MGAT4C: variants seen among roughly 807,000 people sequenced by gnomAD.
The protein encoded by MGAT4C is MGAT4 family member C, also known as alpha-1,3-mannosyl-glycoprotein 4-beta-N-acetylglucosaminyltransferase C.
In MGAT4C, 19 loss-of-function variants were observed where a neutral mutation model predicts 40.1. The ratio of observed to expected loss-of-function variants is 0.47; its 90% CI spans 0.33 to 0.70. The LOEUF is 0.70. MGAT4C is among the 30% of genes least tolerant of loss of function. The pLI, the probability that MGAT4C is intolerant of heterozygous loss-of-function variation, is 0.02. For synonymous variants in MGAT4C, 181 were observed against 187.1 expected, an observed-to-expected ratio of 0.97 and a Z score of 0.27; for missense variants, 491 against 563.2, an observed-to-expected ratio of 0.87 and a Z score of 1.30.
intron 3 of MGAT4C, among the ~76,000 whole-genome samples, chr12:86,408,403 T>C (rs1956518188): frequency 6.8e-6 from 1 of 146,618 alleles, no homozygotes; most frequent in Non-Finnish European, 1.5e-5. Flanking sequence ...TAAAATAAAT[T>C]TCTTATCATT....
At chr12:86,214,981 T>C (rs1950612592) in intron 1 of MGAT4C, among the ~76,000 whole-genome samples, 1 of 152,176 alleles carries the variant, frequency 6.6e-6, no homozygotes, top group African/African-American at 2.4e-5. Context: ...CTTATTCTAT[T>C]TTGAGATTCT....
At chr12:86,128,402 G>T (rs1173896156) in intron 1 of MGAT4C, among the ~76,000 whole-genome samples, 1 of 152,078 alleles carries the variant, frequency 6.6e-6, no homozygotes, top group Non-Finnish European at 1.5e-5. Context: ...AATCACACGA[G>T]ATCTGATGGG....
intron 1 of MGAT4C, among the ~76,000 whole-genome samples, chr12:86,117,047 TCTTATTATA>T (rs1263364553): frequency 1.3e-5 from 2 of 152,122 alleles, no homozygotes; most frequent in African/African-American, 4.8e-5. Flanking sequence ...TTTGATAATA[TCTTATTATA>T]CTTTAATCAT....
At chr12:86,610,534 A>T (rs1028504746) in intron 2 of MGAT4C, among the ~76,000 whole-genome samples, 6 of 147,172 alleles carry the variant, frequency 4.1e-5, no homozygotes, top group Non-Finnish European at 8.9e-5. Context: ...AGGAAGAGGT[A>T]AAAGGGCAAC....
chr12:86,348,297 C>T (rs1955083369), intron 3 of MGAT4C, among the ~76,000 whole-genome samples: 1 of 151,998 alleles, frequency 6.6e-6, no homozygotes, highest in Admixed American at 6.6e-5. Flanking sequence ...TAATCTTTTT[C>T]TTCATTTTAA....
chr12:86,470,044 C>T (rs1337128709), intron 2 of MGAT4C, among the ~76,000 whole-genome samples: 1 of 151,996 alleles, frequency 6.6e-6, no homozygotes, highest in East Asian at 1.9e-4. Flanking sequence ...TGTATGTATA[C>T]ACCACATTTT....
rs531407004 is a variant in MGAT4C at position 86,448,084 on chromosome 12, GTTAA to G, written c.-228-12823_-228-12820del. On this transcript the variant is annotated intron_variant, in intron 2 of 7. Transcript: ENST00000548651. ...AAAATGTTCCCCAAAGCAGCCTTCA[GTTAA>G]TTAGAGAAGGGAATTAGTAGCCAAG... Among the ~76,000 whole-genome samples, 19 of 152,308 alleles carry G rather than the reference GTTAA, an allele frequency of 1.2e-4. No individual in the cohort carries two copies. In the East Asian group the frequency reaches 3.5e-3, roughly 28 times the overall value.
chr12:86,241,119 G>T (rs1368129362), intron 1 of MGAT4C, among the ~76,000 whole-genome samples: 4 of 152,050 alleles, frequency 2.6e-5, no homozygotes, highest in Admixed American at 1.3e-4. Context: ...AAATCTGGGG[G>T]TACATAATAT....
intron 3 of MGAT4C, among the ~76,000 whole-genome samples, chr12:86,384,153 G>GT (rs1409280865): frequency 6.6e-6 from 1 of 152,166 alleles, no homozygotes; most frequent in Non-Finnish European, 1.5e-5. Context: ...ACGTGGAACT[G>GT]TAAGTCCATT....
At chr12:86,520,165 G>A (rs1592946153) in intron 2 of MGAT4C, among the ~76,000 whole-genome samples, 3 of 152,094 alleles carry the variant, frequency 2.0e-5, no homozygotes, top group East Asian at 1.9e-4. Flanking sequence ...CATCACTCAT[G>A]TATTAAGCCT....
At chr12:86,494,371 A>T (rs1420631077) in intron 2 of MGAT4C, among the ~76,000 whole-genome samples, 2 of 151,998 alleles carry the variant, frequency 1.3e-5, no homozygotes, top group Non-Finnish European at 2.9e-5. Flanking sequence ...TACTTAGTAT[A>T]GAAAAAATAA....
intron 1 of MGAT4C, among the ~76,000 whole-genome samples, chr12:86,220,725 G>A (rs1593270298): frequency 6.6e-6 from 1 of 152,160 alleles, no homozygotes; most frequent in Non-Finnish European, 1.5e-5. Flanking sequence ...AGGGGCTACT[G>A]TGGACTAAAT....
intron 3 of MGAT4C, among the ~76,000 whole-genome samples, chr12:85,988,457 A>G (rs559151962): frequency 6.6e-6 from 1 of 152,158 alleles, no homozygotes; most frequent in East Asian, 1.9e-4. Context: ...ACTAATTTAA[A>G]CTTTTAGCAT....
chr12:86,220,223 TG>T (rs1950828623), intron 1 of MGAT4C, among the ~76,000 whole-genome samples: 1 of 151,952 alleles, frequency 6.6e-6, no homozygotes, highest in Non-Finnish European at 1.5e-5. Context: ...ATCCTAGATG[TG>T]GGCAGCTTTC....
At chr12:86,714,815 A>AAGGC (rs1256764656) in intron 2 of MGAT4C, among the ~76,000 whole-genome samples, 1 of 151,870 alleles carries the variant, frequency 6.6e-6, no homozygotes, top group African/African-American at 2.4e-5. Context: ...GGAAGGAAGG[A>AAGGC]AAGAATTAAA....
At chr12:86,557,829 T>C (rs1344155723) in intron 2 of MGAT4C, among the ~76,000 whole-genome samples, 5 of 152,116 alleles carry the variant, frequency 3.3e-5, no homozygotes, top group Middle Eastern at 3.4e-3. Flanking sequence ...CAAGGAAACA[T>C]GACAACTCCA....
chr12:86,579,151 C>A (rs2136431565), intron 2 of MGAT4C, among the ~76,000 whole-genome samples: 1 of 151,598 alleles, frequency 6.6e-6, no homozygotes, highest in Non-Finnish European at 1.5e-5. Flanking sequence ...TATTTACATT[C>A]AATGTTATTA....
chr12:86,164,907 T>C (rs892365557), intron 1 of MGAT4C, among the ~76,000 whole-genome samples: 1 of 152,136 alleles, frequency 6.6e-6, no homozygotes, highest in African/African-American at 2.4e-5. Flanking sequence ...CTGCTAGTAA[T>C]TGAAGGATTT....
intron 2 of MGAT4C, among the ~76,000 whole-genome samples, chr12:86,719,192 A>C (rs1237830523): frequency 6.6e-6 from 1 of 152,194 alleles, no homozygotes; most frequent in Non-Finnish European, 1.5e-5. Context: ...TTATACTTTC[A>C]CTACGTGCAA....
Sources: gnomAD v4.1 joint callset for allele counts (sites outside exome capture counted in the v4.1 genomes callset) on GRCh38, gnomAD v4.1.1 for gene constraint, MANE v1.5 for transcripts, NCBI Gene and HGNC (gene_info 2026-07-23, HGNC 2026-07-21) for gene names.